Variants in APOOL observed in about 807,000 individuals in gnomAD.
The protein encoded by APOOL is MICOS complex subunit MIC27.
In APOOL, 12 loss-of-function variants were observed where a neutral mutation model predicts 23.1. That is an observed-to-expected ratio of 0.52 (90% CI 0.33 to 0.84). APOOL has a LOEUF of 0.84. Among genes scored for constraint, APOOL ranks in the 40% least tolerant of loss-of-function variants. The pLI is 0.02. For synonymous variants in APOOL, 77 were observed against 69.9 expected (o/e 1.10, Z -0.51); for missense variants, 212 against 199.6 (o/e 1.06, Z -0.37).
intron 8 of APOOL, among the ~76,000 whole-genome samples, chrX:85,085,749 A>G (rs1602807064): frequency 8.9e-6 from 1 of 112,424 alleles, no homozygotes. Context: ...GTAAATATAA[A>G]ATAGTTGTCT....
At chrX:85,009,441 T>TA (rs1338272435) in intron 1 of APOOL, among the ~76,000 whole-genome samples, 2 of 111,698 alleles carry the variant, frequency 1.8e-5, no homozygotes, top group Non-Finnish European at 3.8e-5. Flanking sequence ...TGAGAGTTTT[T>TA]ATCACAAAAG....
At chrX:85,025,370 C>A (rs1921804345) in intron 1 of APOOL, among the ~76,000 whole-genome samples, 1 of 111,562 alleles carries the variant, frequency 9.0e-6, no homozygotes, top group African/African-American at 3.3e-5. Context: ...CAAATTACAT[C>A]ATTCCACCTC....
At chrX:85,029,716 A>G (rs1921966960) in intron 1 of APOOL, among the ~76,000 whole-genome samples, 1 of 112,139 alleles carries the variant, frequency 8.9e-6, no homozygotes, top group African/African-American at 3.2e-5. Context: ...AAGAACATAA[A>G]TAGACATTTC....
At chrX:85,067,270 A>G in intron 6 of APOOL, 52 bp downstream of exon 6, 1 of 827,632 alleles carries the variant, frequency 1.2e-6, no homozygotes, top group Non-Finnish European at 1.7e-6. Flanking sequence ...TAAACTCTCA[A>G]TGTGACAATA....
At chrX:85,036,228 T>C (rs891774668) in intron 1 of APOOL, among the ~76,000 whole-genome samples, 2 of 112,138 alleles carry the variant, frequency 1.8e-5, no homozygotes, top group Admixed American at 9.5e-5. Context: ...TATTTTATTC[T>C]ATTCATGGCT....
chrX:85,067,852 C>T (rs985106420), intron 6 of APOOL, among the ~76,000 whole-genome samples: 2 of 111,323 alleles, frequency 1.8e-5, no homozygotes, highest in African/African-American at 3.3e-5. Context: ...TTGGGTTATG[C>T]ATTTTTTCCC....
At position 85,011,450 on chromosome X, in the gene APOOL, T is replaced by C. The variant is rs769586611; in HGVS notation, c.15+7523T>C. Among the ~76,000 whole-genome samples, 9 of 112,268 alleles carry C rather than the reference T, an allele frequency of 8.0e-5. No homozygotes were observed. The Admixed American group carries it at 8.5e-4, about 11-fold the overall frequency. ...TAGAAGAGTTTTTCTGATGTTATCTTCTGGAATTTTTATGGTTTCAGGTCT... is the reference window on the plus strand; with the variant it reads ...TAGAAGAGTTTTTCTGATGTTATCTCCTGGAATTTTTATGGTTTCAGGTCT... On this transcript the variant is annotated intron_variant, in intron 1 of 8. Coordinates refer to ENST00000373173, the MANE Select transcript of APOOL (RefSeq NM_198450.6).
chrX:85,055,679 T>A, intron 4 of APOOL, 148 bp from the exon 5 acceptor site: 1 of 361,741 alleles, frequency 2.8e-6, no homozygotes, highest in Non-Finnish European at 4.6e-6. Flanking sequence ...AGCTTGCTAC[T>A]CATATTGTCA....
intron 1 of APOOL, among the ~76,000 whole-genome samples, chrX:85,035,060 A>T (rs1199345694): frequency 8.9e-6 from 1 of 111,916 alleles, no homozygotes; most frequent in African/African-American, 3.2e-5. Context: ...TGGCTGAACT[A>T]ATCTGTATTC....
At chrX:85,054,484 C>G in intron 4 of APOOL, 86 bp downstream of exon 4, 1 of 815,323 alleles carries the variant, frequency 1.2e-6, no homozygotes, top group Non-Finnish European at 1.7e-6. Flanking sequence ...GGTATGTTAC[C>G]CATTATCATG....
intron 1 of APOOL, among the ~76,000 whole-genome samples, chrX:85,025,297 T>C (rs1921801820): frequency 8.9e-6 from 1 of 111,777 alleles, no homozygotes; most frequent in Non-Finnish European, 1.9e-5. Context: ...CACCTCCCAC[T>C]AGGTCTCGCA....
chrX:85,014,134 G>A (rs1921385213), intron 1 of APOOL, among the ~76,000 whole-genome samples: 1 of 111,498 alleles, frequency 9.0e-6, no homozygotes, highest in South Asian at 3.7e-4. Flanking sequence ...TGATATAAGA[G>A]TAGCTACTCC....
chrX:85,025,251 C>A (rs1365803359), intron 1 of APOOL, among the ~76,000 whole-genome samples: 1 of 111,538 alleles, frequency 9.0e-6, no homozygotes, highest in Admixed American at 9.5e-5. Context: ...ATGAAGACAA[C>A]ACCAAGCCAT....
chrX:85,056,355 T>G (rs16980072), intron 5 of APOOL, among the ~76,000 whole-genome samples: 5,129 of 111,285 alleles, frequency 0.046, 257 homozygotes, highest in African/African-American at 0.15. Context: ...CTCAAGAAAT[T>G]TTTTCAGTAG....
At chrX:85,025,093 A>G (rs1418791495) in intron 1 of APOOL, among the ~76,000 whole-genome samples, 3 of 111,908 alleles carry the variant, frequency 2.7e-5, no homozygotes, top group Non-Finnish European at 5.6e-5. Flanking sequence ...GGCCTCACAA[A>G]GCCTCCAATC....
rs57105866 is a variant in APOOL, at chrX:85,008,535, TTG to T, written c.15+4646_15+4647del. On this transcript the variant is annotated intron_variant, in intron 1 of 8. Transcript: ENST00000373173. ...TTTTTTATGGTTGAATGATAACCCG[TTG>T]TGTGTGTGTGTGTGTGTGTGTGTGT... Among the ~76,000 whole-genome samples, 636 of 86,037 alleles carry T rather than the reference TTG, an allele frequency of 7.4e-3. 2 individuals carry two copies. The highest frequency in any genetic ancestry group is 8.9e-3 in the African/African-American group (205 of 23,117). The allele number at this position is 86,037 out of a possible 115,157, so 74.7% of individuals were successfully genotyped here.
At chrX:85,084,134 CTTTTTTT>C (rs35647720) in intron 8 of APOOL, among the ~76,000 whole-genome samples, 12 of 83,843 alleles carry the variant, frequency 1.4e-4, no homozygotes, top group Non-Finnish European at 2.5e-4. Flanking sequence ...TGAGATGAAG[CTTTTTTT>C]TTTTTTTTTT....
At chrX:85,081,413 G>T (rs180797319) in intron 8 of APOOL, 1 of 111,304 alleles carries the variant, frequency 9.0e-6, no homozygotes, top group South Asian at 3.7e-4. Flanking sequence ...GTTGAATATC[G>T]GCCCCCACTC....
At chrX:85,077,018 C>T (rs867041801) in intron 8 of APOOL, among the ~76,000 whole-genome samples, 26 of 74,492 alleles carry the variant, frequency 3.5e-4, no homozygotes, top group African/African-American at 1.4e-3. Flanking sequence ...TATATATATA[C>T]GTATATATAT....
Sources: gnomAD v4.1 joint callset for allele counts (sites outside exome capture counted in the v4.1 genomes callset) on GRCh38, gnomAD v4.1.1 for gene constraint, MANE v1.5 for transcripts, NCBI Gene and HGNC (gene_info 2026-07-23, HGNC 2026-07-21) for gene names.